The following CALCR variants were observed in gnomAD, a reference collection of about 807,000 sequenced individuals.
CALCR encodes the protein calcitonin receptor.
CALCR carries 47 observed loss-of-function variants against 59.5 expected under a neutral mutation model. That is an observed-to-expected ratio of 0.79 (90% CI 0.63 to 1.01). The LOEUF (loss-of-function observed/expected upper bound fraction) is 1.01. CALCR is among the 50% of genes least tolerant of loss of function. CALCR has a pLI of 0.00. For synonymous variants in CALCR, 213 were observed against 211.3 expected (o/e 1.01, Z -0.07); for missense variants, 566 against 597.1 (o/e 0.95, Z 0.54).
intron 2 of CALCR, among the ~76,000 whole-genome samples, chr7:93,499,509 T>C (rs1443843639): frequency 6.6e-6 from 1 of 151,864 alleles, no homozygotes; most frequent in African/African-American, 2.4e-5. Context: ...GTCTGGGTAA[T>C]AATTGACTTC....
chr7:93,528,333 T>C (rs1788732371), intron 2 of CALCR, among the ~76,000 whole-genome samples: 1 of 152,230 alleles, frequency 6.6e-6, no homozygotes, highest in South Asian at 2.1e-4. Context: ...AACGTGCAGG[T>C]TTGTTACATA....
chr7:93,568,969 T>C (rs1423499541), intron 2 of CALCR, among the ~76,000 whole-genome samples: 5 of 152,164 alleles, frequency 3.3e-5, no homozygotes, highest in Non-Finnish European at 5.9e-5. Flanking sequence ...ATCTCTCTTA[T>C]TATCCATGAA....
chr7:93,460,775 T>G lies in CALCR; in HGVS notation c.648+46A>C, dbSNP rs761856746. 6 of 1,464,440 alleles carry G rather than the reference T, an allele frequency of 4.1e-6. No homozygotes were observed. In the South Asian group the frequency reaches 6.4e-5, roughly 16 times the overall value. The allele number at this position is 1,464,440 out of a possible 1,614,324, so 90.7% of individuals were successfully genotyped here. ...CACCATGTTCACTATTTACAGGTAC[T>G]ATATCCTTTAAAATAAAAGTAAAAA... On this transcript the variant is annotated intron_variant, in intron 8 of 13. Transcript: ENST00000426151.
intron 2 of CALCR, among the ~76,000 whole-genome samples, chr7:93,506,260 G>C (rs551958382): frequency 6.6e-6 from 1 of 152,222 alleles, no homozygotes; most frequent in East Asian, 1.9e-4. Flanking sequence ...GATGCAGATG[G>C]GATTGGCTGA....
At chr7:93,435,189 C>T (rs1799745586) in intron 12 of CALCR, among the ~76,000 whole-genome samples, 1 of 152,110 alleles carries the variant, frequency 6.6e-6, no homozygotes, top group Non-Finnish European at 1.5e-5. Context: ...GAGGGGAGGC[C>T]TGGATACAAC....
At chr7:93,504,569 T>C (rs901745967) in intron 2 of CALCR, among the ~76,000 whole-genome samples, 1 of 152,174 alleles carries the variant, frequency 6.6e-6, no homozygotes, top group Non-Finnish European at 1.5e-5. Flanking sequence ...CTCGTAAATA[T>C]GTCTACCATG....
intron 2 of CALCR, among the ~76,000 whole-genome samples, chr7:93,550,886 G>A (rs1286195794): frequency 1.3e-5 from 2 of 152,012 alleles, no homozygotes; most frequent in African/African-American, 4.8e-5. Context: ...TCTTGATTCT[G>A]CAAATTTTCA....
intron 8 of CALCR, among the ~76,000 whole-genome samples, chr7:93,451,706 G>A (rs1800113175): frequency 6.6e-6 from 1 of 151,710 alleles, no homozygotes; most frequent in Admixed American, 6.6e-5. Flanking sequence ...TGTGGTGTGG[G>A]GCTTGAGATT....
At chr7:93,517,317 A>ACTTTTTTTTTTT (rs1191258842) in intron 2 of CALCR, among the ~76,000 whole-genome samples, 10 of 127,770 alleles carry the variant, frequency 7.8e-5, no homozygotes, top group South Asian at 5.2e-4. Context: ...TTTTTTTTTA[A>ACTTTTTTTTTTT]TTTGCTAGCC....
intron 5 of CALCR, among the ~76,000 whole-genome samples, chr7:93,473,016 G>A (rs1196890629): frequency 6.6e-6 from 1 of 151,686 alleles, no homozygotes; most frequent in Non-Finnish European, 1.5e-5. Flanking sequence ...ATAGAACAAA[G>A]AAGTCCAAAA....
intron 12 of CALCR, among the ~76,000 whole-genome samples, chr7:93,434,527 TCTAAA>T (rs1451062838): frequency 6.6e-6 from 1 of 152,096 alleles, no homozygotes; most frequent in Non-Finnish European, 1.5e-5. Context: ...ATTTTGCTAA[TCTAAA>T]TAATATTTTG....
At chr7:93,553,917 C>G (rs779268391) in intron 2 of CALCR, among the ~76,000 whole-genome samples, 3 of 152,142 alleles carry the variant, frequency 2.0e-5, no homozygotes, top group Admixed American at 2.0e-4. Flanking sequence ...CCTTCTAACA[C>G]GTCACTAAAT....
At chr7:93,433,207 AAGAT>A (rs1271377270) in intron 13 of CALCR, among the ~76,000 whole-genome samples, 3 of 152,242 alleles carry the variant, frequency 2.0e-5, no homozygotes, top group African/African-American at 7.2e-5. Flanking sequence ...ACTTAGTAAA[AAGAT>A]AGAGAATAAA....
rs1267901467 is a variant in CALCR at position 93,518,959 on chromosome 7, A to AT, written c.-26-31953dup. 8.6e-5 allele frequency among the ~76,000 whole-genome samples: 13 copies of AT among 151,926 alleles called. No homozygotes were observed. In the South Asian group the frequency reaches 1.2e-3, roughly 15 times the overall value. ...ATGAGTTGTAGGATTGAGAGAAAAA[A>AT]TTTTTTATCTAAATCTTTTGTATTA... On this transcript the variant is annotated intron_variant, in intron 2 of 13. Coordinates refer to ENST00000426151, the MANE Select transcript of CALCR (RefSeq NM_001742.4).
At chr7:93,499,217 TA>T (rs1345950724) in intron 2 of CALCR, among the ~76,000 whole-genome samples, 2 of 151,572 alleles carry the variant, frequency 1.3e-5, no homozygotes, top group Non-Finnish European at 3.0e-5. Flanking sequence ...TAATAGAAAA[TA>T]AACTAAAACA....
chr7:93,478,882 T>C (rs1342428004), intron 4 of CALCR, among the ~76,000 whole-genome samples: 2 of 151,744 alleles, frequency 1.3e-5, no homozygotes, highest in Non-Finnish European at 2.9e-5. Flanking sequence ...AGGTACCTTT[T>C]TGTAATTCTC....
At position 93,424,960 on chromosome 7, in the gene CALCR, T is replaced by C. The variant is rs989445990; in HGVS notation, c.*1396A>G. On this transcript the variant is annotated 3_prime_UTR_variant, in exon 14 of 14. Coordinates refer to ENST00000426151, the MANE Select transcript of CALCR (RefSeq NM_001742.4). Reference sequence around the variant, plus strand: ...TATCTTTCCACAACTAAATCACTTCTGAAAGGCAGTGGCAAAATATGACAT... The same window carrying C: ...TATCTTTCCACAACTAAATCACTTCCGAAAGGCAGTGGCAAAATATGACAT... The C allele has an allele frequency of 6.6e-6, 1 of 152,614 alleles. No individual in the cohort carries two copies. The highest frequency in any genetic ancestry group is 2.4e-5 in the African/African-American group (1 of 41,448). The allele number at this position is 152,614 out of a possible 1,614,324, so 9.5% of individuals were successfully genotyped here.
intron 2 of CALCR, among the ~76,000 whole-genome samples, chr7:93,509,150 TA>T (rs1223360773): frequency 6.6e-5 from 10 of 152,036 alleles, no homozygotes; most frequent in Non-Finnish European, 1.0e-4. Context: ...TTGGCTCAGG[TA>T]AAAGCATGGC....
At chr7:93,487,247 C>A (rs1323857360) in intron 2 of CALCR, among the ~76,000 whole-genome samples, 1 of 151,250 alleles carries the variant, frequency 6.6e-6, no homozygotes, top group African/African-American at 2.4e-5. Context: ...CTGGCACTAC[C>A]TTTGCATATT....
Sources: gnomAD v4.1 joint callset for allele counts (sites outside exome capture counted in the v4.1 genomes callset) on GRCh38, gnomAD v4.1.1 for gene constraint, MANE v1.5 for transcripts, NCBI Gene and HGNC (gene_info 2026-07-23, HGNC 2026-07-21) for gene names.